Variants in NFYC observed in about 807,000 individuals in gnomAD.
NFYC encodes CAAT box DNA-binding protein subunit C.
A neutral mutation model predicts 53.1 loss-of-function variants in NFYC; 25 were observed. The observed-to-expected ratio is 0.47, with a 90% CI of 0.34 to 0.66. The LOEUF is 0.66. NFYC is among the 30% of genes least tolerant of loss of function. NFYC has a pLI of 0.01. For synonymous variants in NFYC, 145 were observed against 152.6 expected (o/e 0.95, Z 0.37); for missense variants, 260 against 422.7 (o/e 0.62, Z 3.38).
chr1:40,716,077 C>T (rs185914883), intron 1 of NFYC, among the ~76,000 whole-genome samples: 12 of 152,330 alleles, frequency 7.9e-5, no homozygotes, highest in Admixed American at 5.2e-4. Context: ...ATAGTTCTTA[C>T]TTTCAAGGAA....
chr1:40,704,017 T>C (rs1003914977), intron 1 of NFYC, among the ~76,000 whole-genome samples: 9 of 152,108 alleles, frequency 5.9e-5, no homozygotes, highest in African/African-American at 1.9e-4. Context: ...TTACCTTCTT[T>C]GAGAGTATTA....
Position 40,742,917 on chromosome 1 carries a change from C to G in NFYC, c.105+3969C>G, listed in dbSNP as rs957809601. On this transcript the variant is annotated intron_variant, in intron 2 of 9. Transcript: ENST00000447388. The stretch of plus-strand genomic sequence containing the variant: ...CCAAACATTTTAGCATTTAATCTGT[C>G]CCTTTCCAGAACTCAACAGTACTTA... Among the ~76,000 whole-genome samples the G allele has an allele frequency of 5.3e-4, 80 of 152,304 alleles. 1 individual carries two copies. Among genetic ancestry groups the G allele is most frequent in the African/African-American group, 1.9e-3 (78 of 41,554 alleles).
Position 40,758,240 on chromosome 1 carries a change from C to T in NFYC, c.507C>T (p.Ser169=). The T allele has an allele frequency of 6.2e-7, 1 of 1,613,580 alleles. No individual in the cohort carries two copies. Among genetic ancestry groups the T allele is most frequent in the East Asian group, 2.2e-5 (1 of 44,882 alleles). The change falls in exon 6 of 10, where the codon TCC becomes TCT. Residue 169 remains serine, a synonymous_variant. Transcript: ENST00000447388. ...GQQQGQQTTS[S]TTTIQPGQII... is the part of the protein sequence containing the mutation. ...AGCAAGGCCAGCAGACCACCAGCTC[C>T]ACGACCACCATCCAGCCTGGGCAGA...
chr1:40,744,429 T>A (rs1244513874), intron 2 of NFYC, among the ~76,000 whole-genome samples: 1 of 152,196 alleles, frequency 6.6e-6, no homozygotes, highest in African/African-American at 2.4e-5. Flanking sequence ...GGGTTGAGAA[T>A]CTTGACTTGC....
chr1:40,769,374 C>T lies in NFYC; in HGVS notation c.847C>T (p.Gln283Ter). The T allele has an allele frequency of 6.2e-7, 1 of 1,614,070 alleles. No homozygotes were observed. Among genetic ancestry groups the T allele is most frequent in the Non-Finnish European group, 8.5e-7 (1 of 1,179,972 alleles). ...CTTACAGATTACACAGACAGAGGTC[C>T]AGCAAGGACAGCAGCAGTTCAGCCA... Reference protein sequence around the residue: ...NAQQITQTEVQQGQQQFSQFT... With the variant: ...NAQQITQTEV Residue 283 changes from glutamine to a stop codon, truncating the protein, a stop_gained, in exon 9 of 10, where the codon CAG (glutamine) becomes TAG (stop). Transcript: ENST00000447388. LOFTEE classifies it high-confidence loss of function.
At chr1:40,704,208 A>T in intron 1 of NFYC, among the ~76,000 whole-genome samples, 1 of 151,908 alleles carries the variant, frequency 6.6e-6, no homozygotes, top group Non-Finnish European at 1.5e-5. Context: ...GGTAGCTGGG[A>T]CTACAGGCGC....
At chr1:40,769,505 G>C (rs10889608) in intron 9 of NFYC, 90 bp downstream of exon 9, 438,551 of 1,058,182 alleles carry the variant, frequency 0.41, 93,777 homozygotes, top group East Asian at 0.45. Flanking sequence ...TAGGGCAACT[G>C]TCCTGTCCTC....
intron 5 of NFYC, among the ~76,000 whole-genome samples, chr1:40,756,608 G>A (rs1387489080): frequency 6.6e-6 from 1 of 152,132 alleles, no homozygotes; most frequent in Non-Finnish European, 1.5e-5. Context: ...GTTCCACAGG[G>A]GACACTAGCT....
rs1157687643 is a variant in NFYC at position 40,691,777 on chromosome 1, C to T, written c.-99C>T. 6.6e-6 allele frequency: 3 copies of T among 453,744 alleles called. No homozygotes were observed. Among genetic ancestry groups the T allele is most frequent in the East Asian group, 7.2e-5 (1 of 13,938 alleles). 28.1% of individuals were successfully genotyped at this position (453,744 alleles called of 1,614,324 possible). On this transcript the variant is annotated 5_prime_UTR_variant, in exon 1 of 10. Transcript: ENST00000447388. ...TCCGTTCTCCGTGACGCACACTTCC[C>T]CCTCCCCTCCGCCGCGCCTGGGCCT...
chr1:40,740,132 T>C (rs1645262202), intron 2 of NFYC, among the ~76,000 whole-genome samples: 2 of 152,162 alleles, frequency 1.3e-5, no homozygotes, highest in African/African-American at 2.4e-5. Flanking sequence ...GAGCTCCCCA[T>C]GTTGGCTGTG....
chr1:40,707,668 A>C (rs1394003039), intron 1 of NFYC, among the ~76,000 whole-genome samples: 2 of 151,116 alleles, frequency 1.3e-5, no homozygotes, highest in African/African-American at 4.9e-5. Context: ...AAAAAAAAAC[A>C]AGAAAAGAAA....
rs189156706 is a variant in NFYC at position 40,698,078 on chromosome 1, T to A, written c.-9+6211T>A. On this transcript the variant is annotated intron_variant, in intron 1 of 9. Transcript: ENST00000447388. ...TAAAATAAAGGTTGAAATATCCATG[T>A]CTGGTCAGGCACAGTGGCTCACGCC... Among the ~76,000 whole-genome samples the A allele has an allele frequency of 2.0e-4, 31 of 152,310 alleles. No individual in the cohort carries two copies. In the East Asian group the frequency reaches 5.8e-3, roughly 29 times the overall value.
At chr1:40,701,956 T>G (rs554716765) in intron 1 of NFYC, among the ~76,000 whole-genome samples, 1 of 152,268 alleles carries the variant, frequency 6.6e-6, no homozygotes, top group South Asian at 2.1e-4. Flanking sequence ...TTGGGCTTTT[T>G]TTCTTGCTGC....
chr1:40,736,643 A>G (rs1645039731), intron 1 of NFYC, among the ~76,000 whole-genome samples: 1 of 152,136 alleles, frequency 6.6e-6, no homozygotes, highest in Admixed American at 6.5e-5. Context: ...CTTGCATTTT[A>G]ATATTTGCCA....
intron 1 of NFYC, among the ~76,000 whole-genome samples, chr1:40,724,604 A>ATG (rs1644445340): frequency 6.6e-6 from 1 of 152,184 alleles, no homozygotes; most frequent in Non-Finnish European, 1.5e-5. Flanking sequence ...ATGAGTAAGA[A>ATG]TGTGTGTGAA....
At chr1:40,715,812 GAAAA>G (rs201814759) in intron 1 of NFYC, among the ~76,000 whole-genome samples, 2 of 150,246 alleles carry the variant, frequency 1.3e-5, no homozygotes, top group African/African-American at 4.9e-5. Context: ...AAGAACTAAA[GAAAA>G]AAAAACATAG....
At chr1:40,763,499 A>G (rs1357237320) in intron 7 of NFYC, 2 of 426,018 alleles carry the variant, frequency 4.7e-6, no homozygotes, top group Admixed American at 5.4e-5. Context: ...GGCACGTGCC[A>G]CTATGCCCGG....
At chr1:40,732,689 A>G (rs1290075994) in intron 1 of NFYC, among the ~76,000 whole-genome samples, 6 of 152,170 alleles carry the variant, frequency 3.9e-5, no homozygotes, top group Non-Finnish European at 7.3e-5. Flanking sequence ...TTGCTAATCT[A>G]TCCTGGTCAC....
chr1:40,739,565 C>T (rs76504694), intron 2 of NFYC, among the ~76,000 whole-genome samples: 2,556 of 152,210 alleles, frequency 0.017, 38 homozygotes, highest in Non-Finnish European at 0.025. Flanking sequence ...AAAATGTCTC[C>T]AGACATTGGC....
Sources: allele counts gnomAD v4.1 joint callset (sites outside exome capture counted in the v4.1 genomes callset), GRCh38; gene constraint gnomAD v4.1.1; transcripts MANE v1.5; gene names NCBI Gene and HGNC (gene_info 2026-07-23, HGNC 2026-07-21).